Variants in RIMS2 observed in about 807,000 individuals in gnomAD.
RIMS2 encodes the protein regulating synaptic membrane exocytosis 2.
A neutral mutation model predicts 174.4 loss-of-function variants in RIMS2; 59 were observed. That is an observed-to-expected ratio of 0.34 (90% CI 0.27 to 0.42). The LOEUF (loss-of-function observed/expected upper bound fraction) is 0.42. RIMS2 is among the 10% of genes least tolerant of loss of function. The pLI, the probability that RIMS2 is intolerant of heterozygous loss-of-function variation, is 1.00. For synonymous variants in RIMS2, 606 were observed against 572.5 expected (o/e 1.06, Z -0.84); for missense variants, 1,620 against 1,666.3 (o/e 0.97, Z 0.48).
At chr8:103,675,962 T>C (rs2096804441) in intron 1 of RIMS2, among the ~76,000 whole-genome samples, 1 of 152,152 alleles carries the variant, frequency 6.6e-6, no homozygotes, top group Non-Finnish European at 1.5e-5. Context: ...AAGTGATGAC[T>C]CTTAGGTGAA....
chr8:104,053,708 A>G (rs2096825836), intron 19 of RIMS2, among the ~76,000 whole-genome samples: 1 of 152,200 alleles, frequency 6.6e-6, no homozygotes, highest in Non-Finnish European at 1.5e-5. Context: ...ATTGAAGTAC[A>G]GGTTAGTTAA....
intron 19 of RIMS2, among the ~76,000 whole-genome samples, chr8:104,032,374 T>A (rs1021302488): frequency 1.3e-5 from 2 of 152,070 alleles, no homozygotes; most frequent in Non-Finnish European, 2.9e-5. Flanking sequence ...CCCTTCCTTA[T>A]TTTTTTGTGG....
chr8:103,908,110 C>T (rs1293791142), intron 4 of RIMS2, among the ~76,000 whole-genome samples: 1 of 152,034 alleles, frequency 6.6e-6, no homozygotes, highest in East Asian at 1.9e-4. Context: ...GGCGCAATCT[C>T]AGCTCACTGC....
intron 14 of RIMS2, among the ~76,000 whole-genome samples, chr8:103,957,591 A>G (rs1456538972): frequency 6.6e-6 from 1 of 152,210 alleles, no homozygotes; most frequent in Non-Finnish European, 1.5e-5. Context: ...GGAACCTCAC[A>G]CAGCGGGGCC....
intron 15 of RIMS2, among the ~76,000 whole-genome samples, chr8:103,969,215 G>C (rs778545043): frequency 6.6e-6 from 1 of 151,906 alleles, no homozygotes; most frequent in Non-Finnish European, 1.5e-5. Context: ...TAGATCTGTG[G>C]TCTGTGGCTT....
chr8:103,647,895 G>GTTTT (rs1491274748), intron 1 of RIMS2, among the ~76,000 whole-genome samples: 3 of 113,674 alleles, frequency 2.6e-5, no homozygotes, highest in African/African-American at 7.4e-5. Flanking sequence ...ATTTTTTTTT[G>GTTTT]ATTTTTTTTT....
intron 1 of RIMS2, among the ~76,000 whole-genome samples, chr8:103,627,829 T>C (rs1381096117): frequency 6.6e-6 from 1 of 152,184 alleles, no homozygotes; most frequent in Non-Finnish European, 1.5e-5. Flanking sequence ...GTAGAAAAAA[T>C]AATCATTTAT....
At chr8:104,224,680 C>T (rs905605670) in intron 19 of RIMS2, among the ~76,000 whole-genome samples, 7 of 151,988 alleles carry the variant, frequency 4.6e-5, no homozygotes, top group African/African-American at 1.5e-4. Flanking sequence ...GCTTTTATCC[C>T]GAGAAAATCA....
At chr8:104,125,109 T>C (rs1432178707) in intron 19 of RIMS2, among the ~76,000 whole-genome samples, 1 of 152,128 alleles carries the variant, frequency 6.6e-6, no homozygotes, top group Non-Finnish European at 1.5e-5. Flanking sequence ...AATTGTGTTG[T>C]GCTGCCCGTG....
exon 16 of RIMS2, chr8:103,975,457 G>A: frequency 6.2e-7 from 1 of 1,612,198 alleles, no homozygotes; most frequent in South Asian, 1.1e-5. Context: ...TCGAGTAGAT[G>A]TTATAGGAAG....
chr8:103,850,857 C>T (rs2098994077), intron 3 of RIMS2, among the ~76,000 whole-genome samples: 1 of 151,946 alleles, frequency 6.6e-6, no homozygotes, highest in Non-Finnish European at 1.5e-5. Context: ...TTATCCAGTA[C>T]TCACTACTGG....
chr8:103,599,593 CA>C (rs2094619295), intron 1 of RIMS2, among the ~76,000 whole-genome samples: 1 of 151,396 alleles, frequency 6.6e-6, no homozygotes, highest in South Asian at 2.1e-4. Context: ...TGCACACCAC[CA>C]TGCCTGGCTA....
At chr8:103,939,773 T>C (rs1332373703) in intron 13 of RIMS2, among the ~76,000 whole-genome samples, 1 of 152,170 alleles carries the variant, frequency 6.6e-6, no homozygotes, top group Non-Finnish European at 1.5e-5. Context: ...CAACATTTGT[T>C]CCACCAGATA....
At chr8:103,957,207 C>G (rs1333353137) in intron 14 of RIMS2, among the ~76,000 whole-genome samples, 1 of 152,164 alleles carries the variant, frequency 6.6e-6, no homozygotes, top group African/African-American at 2.4e-5. Context: ...CCTCAAGGAT[C>G]TAGAACTAGA....
chr8:104,065,201 G>C (rs1429394622), intron 19 of RIMS2, among the ~76,000 whole-genome samples: 1 of 152,028 alleles, frequency 6.6e-6, no homozygotes, highest in African/African-American at 2.4e-5. Flanking sequence ...CTGAGAGAAA[G>C]AGAGAGGAAA....
At chr8:103,819,213 C>G (rs1593099555) in intron 3 of RIMS2, 2 of 1,218,114 alleles carry the variant, frequency 1.6e-6, no homozygotes. Context: ...GAAAGCAGCT[C>G]AGCTTCACAC....
intron 15 of RIMS2, among the ~76,000 whole-genome samples, chr8:103,974,303 T>C (rs1420004236): frequency 2.0e-5 from 3 of 152,192 alleles, no homozygotes; most frequent in Non-Finnish European, 2.9e-5. Context: ...CTGAAACGAA[T>C]GTTGTAATGG....
Position 103,907,065 on chromosome 8 carries a change from A to G in RIMS2, c.1625-3069A>G, listed in dbSNP as rs142427967. On this transcript the variant is annotated intron_variant, in intron 4 of 23. Transcript: ENST00000504942. ...TAAAGCCTATTCTCTTTTATAAATTAGTTTCTTAAAAGAATTGCCTCCAGT... is the reference window on the plus strand; with the variant it reads ...TAAAGCCTATTCTCTTTTATAAATTGGTTTCTTAAAAGAATTGCCTCCAGT... 1.4e-4 allele frequency among the ~76,000 whole-genome samples: 22 copies of G among 152,330 alleles called. 1 individual carries two copies. The highest frequency in any genetic ancestry group is 3.1e-4 in the Non-Finnish European group (21 of 68,020).
In RIMS2 at chr8:103,587,469, A is replaced by AACGAACG. The variant is rs773740920; in HGVS notation, c.176+86408_176+86409insCGAACGA. Among the ~76,000 whole-genome samples the AACGAACG allele has an allele frequency of 2.0e-4, 12 of 59,988 alleles. No individual in the cohort carries two copies. In the South Asian group the frequency reaches 3.1e-3, roughly 16 times the overall value. 39.4% of individuals were successfully genotyped at this position (59,988 alleles called of 152,430 possible). Reference sequence around the variant, plus strand: ...GAAAGAAAGAAAGAAAGAAAGAAAGAAACTATGCACCAATATTTCTGATGA... The same window carrying AACGAACG: ...GAAAGAAAGAAAGAAAGAAAGAAAGAACGAACGAACTATGCACCAATATTTCTGATGA... On this transcript the variant is annotated intron_variant, in intron 1 of 23. Coordinates refer to ENST00000504942, the Ensembl canonical transcript of RIMS2.
Sources: gnomAD v4.1 joint callset for allele counts (sites outside exome capture counted in the v4.1 genomes callset) on GRCh38, gnomAD v4.1.1 for gene constraint, MANE v1.5 for transcripts, NCBI Gene and HGNC (gene_info 2026-07-23, HGNC 2026-07-21) for gene names.